Variants in KIRREL3 observed in about 807,000 individuals in gnomAD.
KIRREL3 encodes kin of IRRE-like protein 3.
KIRREL3 carries 36 observed loss-of-function variants against 89.7 expected under a neutral mutation model. The observed-to-expected ratio is 0.40, with a 90% confidence interval of 0.31 to 0.53. The LOEUF is 0.53. Ranked by LOEUF, KIRREL3 falls within the 20% of genes least tolerant of loss-of-function variation. The pLI is 0.49. For synonymous variants in KIRREL3, 445 were observed against 441.4 expected (o/e 1.01, Z -0.10); for missense variants, 864 against 1,056.6 (o/e 0.82, Z 2.53).
At position 126,769,832 on chromosome 11, in the gene KIRREL3, T is replaced by C. The variant is rs1949963434; in HGVS notation, c.56-206920A>G. 6.6e-6 allele frequency among the ~76,000 whole-genome samples: 1 copy of C among 152,180 alleles called. No homozygotes were observed. The highest frequency in any genetic ancestry group is 1.5e-5 in the Non-Finnish European group (1 of 68,034). On this transcript the variant is annotated intron_variant, in intron 1 of 16. Transcript: ENST00000525144. The surrounding 1 kb of genome is among the most constrained non-coding windows in gnomAD (Gnocchi z 4.3). ...GGCCCTGATGAGGTGTAGAATCTTG[T>C]GCAACCTGCTCAATCTCTCTGAGTC...
In KIRREL3 at chr11:126,771,459, T is replaced by G. The variant is rs1450588691; in HGVS notation, c.56-208547A>C. ...AAAGCTGTTATTAATTATCCATTTA[T>G]CTGATAATTTCTTTGCATCTTTTTT... On this transcript the variant is annotated intron_variant, in intron 1 of 16. Coordinates refer to ENST00000525144, the MANE Select transcript of KIRREL3 (RefSeq NM_032531.4). The surrounding 1 kb of genome is among the most constrained non-coding windows in gnomAD (Gnocchi z 4.4). 2.6e-5 allele frequency among the ~76,000 whole-genome samples: 4 copies of G among 152,254 alleles called. No individual in the cohort carries two copies. Among genetic ancestry groups the G allele is most frequent in the Non-Finnish European group, 5.9e-5 (4 of 68,052 alleles).
intron 1 of KIRREL3, among the ~76,000 whole-genome samples, chr11:126,591,915 C>T (rs772574644): frequency 8.5e-5 from 13 of 152,122 alleles, no homozygotes; most frequent in Non-Finnish European, 1.5e-4. Context: ...GCCTTTGGGC[C>T]CTCTCACCAC....
In KIRREL3 at chr11:126,768,328, C is replaced by T. The variant is rs1365554487; in HGVS notation, c.56-205416G>A. 6.6e-6 allele frequency among the ~76,000 whole-genome samples: 1 copy of T among 151,968 alleles called. No individual in the cohort carries two copies. The highest frequency in any genetic ancestry group is 1.5e-5 in the Non-Finnish European group (1 of 68,020). ...CAATCTGTCCATCTGTCCATCCATACTGCATCCATCCATCCACTTATCCCA... is the reference window on the plus strand; with the variant it reads ...CAATCTGTCCATCTGTCCATCCATATTGCATCCATCCATCCACTTATCCCA... On this transcript the variant is annotated intron_variant, in intron 1 of 16. Coordinates refer to ENST00000525144, the MANE Select transcript of KIRREL3 (RefSeq NM_032531.4). The surrounding 1 kb of genome is among the most constrained non-coding windows in gnomAD (Gnocchi z 4.5).
At chr11:126,800,269 C>T (rs1950989153) in intron 1 of KIRREL3, among the ~76,000 whole-genome samples, 1 of 152,204 alleles carries the variant, frequency 6.6e-6, no homozygotes, top group Non-Finnish European at 1.5e-5. Context: ...CTTGGTATCC[C>T]AGGGCCTTGG....
intron 1 of KIRREL3, among the ~76,000 whole-genome samples, chr11:126,840,077 T>G (rs936736971): frequency 1.3e-5 from 2 of 152,204 alleles, no homozygotes; most frequent in Non-Finnish European, 2.9e-5. Flanking sequence ...ATAAGATTCA[T>G]TATGGAAATT....
rs147117359 is a variant in KIRREL3 at position 126,907,879 on chromosome 11, T to C, written c.55+92576A>G. Among the ~76,000 whole-genome samples, 281 of 152,274 alleles carry C rather than the reference T, an allele frequency of 1.8e-3. 3 individuals are homozygous for C. In the Middle Eastern group the frequency reaches 0.042, roughly 23 times the overall value. ...CCAGGCCCTTTCCTCCTGAGGGTCT[T>C]GGCATCTGCTCACCCTCTGCCTGGA... On this transcript the variant is annotated intron_variant, in intron 1 of 16. Transcript: ENST00000525144.
intron 5 of KIRREL3, among the ~76,000 whole-genome samples, chr11:126,464,170 T>C (rs1168195698): frequency 6.6e-6 from 1 of 152,038 alleles, no homozygotes; most frequent in Non-Finnish European, 1.5e-5. Context: ...TCATACTGGA[T>C]TCAGAGTGAG....
chr11:126,760,097 T>C (rs1949622395), intron 1 of KIRREL3, among the ~76,000 whole-genome samples: 1 of 152,200 alleles, frequency 6.6e-6, no homozygotes, highest in African/African-American at 2.4e-5. Flanking sequence ...CTCTCATTCA[T>C]TCAATCACAA....
rs1944257525 is a variant in KIRREL3, at chr11:126,636,166, G to A, written c.56-73254C>T. The stretch of plus-strand genomic sequence containing the variant: ...TCCTTCATTTGTAAAAATGGGAAGG[G>A]TAATAGCACTATCCTTAGCATTATA... On this transcript the variant is annotated intron_variant, in intron 1 of 16. Coordinates refer to ENST00000525144, the MANE Select transcript of KIRREL3 (RefSeq NM_032531.4). This position sits in a 1 kb window ranked among gnomAD's most constrained non-coding sequence, Gnocchi z 4.4. Among the ~76,000 whole-genome samples the A allele has an allele frequency of 6.6e-6, 1 of 152,204 alleles. No homozygotes were observed. The highest frequency in any genetic ancestry group is 1.5e-5 in the Non-Finnish European group (1 of 68,048).
intron 1 of KIRREL3, among the ~76,000 whole-genome samples, chr11:126,602,994 T>C (rs1051284665): frequency 6.6e-6 from 1 of 152,096 alleles, no homozygotes; most frequent in Non-Finnish European, 1.5e-5. Context: ...TAGAGACCAA[T>C]AGGAGACGCT....
intron 1 of KIRREL3, among the ~76,000 whole-genome samples, chr11:126,882,015 G>T (rs1341985194): frequency 6.6e-6 from 1 of 152,144 alleles, no homozygotes; most frequent in Non-Finnish European, 1.5e-5. Flanking sequence ...ATGGGTGTGT[G>T]TGTAGGGGGG....
Position 126,709,301 on chromosome 11 carries a change from G to A in KIRREL3, c.56-146389C>T, listed in dbSNP as rs1947663165. On this transcript the variant is annotated intron_variant, in intron 1 of 16. Coordinates refer to ENST00000525144, the MANE Select transcript of KIRREL3 (RefSeq NM_032531.4). This position sits in a 1 kb window ranked among gnomAD's most constrained non-coding sequence, Gnocchi z 4.0. The stretch of plus-strand genomic sequence containing the variant: ...GGCTTTATCATCTCCTCTATCCCAA[G>A]ATGACCTTTGGGGTTCCAATCAGTC... Among the ~76,000 whole-genome samples the A allele has an allele frequency of 6.6e-6, 1 of 152,196 alleles. No individual in the cohort carries two copies. The highest frequency in any genetic ancestry group is 1.5e-5 in the Non-Finnish European group (1 of 68,042).
At chr11:126,893,988 G>A (rs893013020) in intron 1 of KIRREL3, among the ~76,000 whole-genome samples, 1 of 152,174 alleles carries the variant, frequency 6.6e-6, no homozygotes, top group East Asian at 1.9e-4. Flanking sequence ...TAGATAATGA[G>A]ATGGCGGGTA....
chr11:126,829,556 C>T (rs1943534448), intron 1 of KIRREL3, among the ~76,000 whole-genome samples: 1 of 152,106 alleles, frequency 6.6e-6, no homozygotes, highest in South Asian at 2.1e-4. Flanking sequence ...CCTGGAGTTA[C>T]TTAAAATCCT....
rs35542298 is a variant in KIRREL3 at position 126,442,260 on chromosome 11, C to CAAA, written c.1253-1714_1253-1712dup. Among the ~76,000 whole-genome samples the CAAA allele has an allele frequency of 1.1e-3, 79 of 70,448 alleles. 8 individuals are homozygous for CAAA. Among genetic ancestry groups the CAAA allele is most frequent in the East Asian group, 1.8e-3 (3 of 1,706 alleles). The allele number at this position is 70,448 out of a possible 152,430, so 46.2% of individuals were successfully genotyped here. A position where few individuals can be genotyped will look rare whatever the true frequency, so the allele number is the denominator to read the frequency against. Reference sequence around the variant, plus strand: ...TGGGCGACAGAGCGAGACTCCAGCTCAAAAAAAAAAAACAAAAAAAAAACA... The same window carrying CAAA: ...TGGGCGACAGAGCGAGACTCCAGCTCAAAAAAAAAAAAAAACAAAAAAAAAACA... On this transcript the variant is annotated intron_variant, in intron 10 of 16. Coordinates refer to ENST00000525144, the MANE Select transcript of KIRREL3 (RefSeq NM_032531.4).
chr11:126,527,982 C>T lies in KIRREL3; in HGVS notation c.134-1295G>A, dbSNP rs559452278. 3.7e-4 allele frequency among the ~76,000 whole-genome samples: 56 copies of T among 152,286 alleles called. No homozygotes were observed. Among genetic ancestry groups the T allele is most frequent in the African/African-American group, 1.3e-3 (54 of 41,552 alleles). ...GTACAACCAGTACTTCATACAACCC[C>T]TCCTGTAATCCACTTAATTATACTT... On this transcript the variant is annotated intron_variant, in intron 2 of 16. Coordinates refer to ENST00000525144, the MANE Select transcript of KIRREL3 (RefSeq NM_032531.4). This position sits in a 1 kb window ranked among gnomAD's most constrained non-coding sequence, Gnocchi z 4.2.
rs566489801 is a variant in KIRREL3 at position 126,940,869 on chromosome 11, G to T, written c.55+59586C>A. 75 of 151,848 alleles carry T rather than the reference G, an allele frequency of 4.9e-4. No homozygotes were observed. Among genetic ancestry groups the T allele is most frequent in the African/African-American group, 1.7e-3 (69 of 41,368 alleles). The allele number at this position is 151,848 out of a possible 1,614,324, so 9.4% of individuals were successfully genotyped here. On this transcript the variant is annotated intron_variant, in intron 1 of 16. Coordinates refer to ENST00000525144, the MANE Select transcript of KIRREL3 (RefSeq NM_032531.4). This position sits in a 1 kb window ranked among gnomAD's most constrained non-coding sequence, Gnocchi z 4.6. ...GCCAAGACTGTCATGAAACTATTTG[G>T]ATACTGTACTCTGGTTCCTTCATCT...
Position 126,639,846 on chromosome 11 carries a change from G to T in KIRREL3, c.56-76934C>A, listed in dbSNP as rs1944401970. On this transcript the variant is annotated intron_variant, in intron 1 of 16. Transcript: ENST00000525144. This position sits in a 1 kb window ranked among gnomAD's most constrained non-coding sequence, Gnocchi z 4.3. ...TTTGACCTCTGTGGCTGGGATCTGA[G>T]AAGGCTTAGTTTGATTACGCTTCAT... Among the ~76,000 whole-genome samples the T allele has an allele frequency of 6.6e-6, 1 of 152,194 alleles. No homozygotes were observed. The highest frequency in any genetic ancestry group is 2.1e-4 in the South Asian group (1 of 4,830).
Position 126,664,637 on chromosome 11 carries a change from C to T in KIRREL3, c.56-101725G>A, listed in dbSNP as rs1945572032. Among the ~76,000 whole-genome samples the T allele has an allele frequency of 6.6e-6, 1 of 152,226 alleles. No homozygotes were observed. The highest frequency in any genetic ancestry group is 2.1e-4 in the South Asian group (1 of 4,832). On this transcript the variant is annotated intron_variant, in intron 1 of 16. Transcript: ENST00000525144. The surrounding 1 kb of genome is among the most constrained non-coding windows in gnomAD (Gnocchi z 5.4). ...CACCATTGTTACCAGCTCCGATGTGCCCTTCCTGCATGCCAAAGCCAGTTC... is the reference window on the plus strand; with the variant it reads ...CACCATTGTTACCAGCTCCGATGTGTCCTTCCTGCATGCCAAAGCCAGTTC...
Sources: gnomAD v4.1 joint callset for allele counts (sites outside exome capture counted in the v4.1 genomes callset) on GRCh38, gnomAD v4.1.1 for gene constraint, Gnocchi (gnomAD v3.1) non-coding constraint, MANE v1.5 for transcripts, NCBI Gene and HGNC (gene_info 2026-07-23, HGNC 2026-07-21) for gene names.